FGF14: variants seen among roughly 807,000 people sequenced by gnomAD.
The protein encoded by FGF14 is fibroblast growth factor 14.
Under a neutral mutation model 25.5 loss-of-function variants are expected in FGF14, and 5 were observed. That is an observed-to-expected ratio of 0.20 (90% CI 0.10 to 0.41). The LOEUF (loss-of-function observed/expected upper bound fraction) is 0.41. Among genes scored for constraint, FGF14 ranks in the 10% least tolerant of loss-of-function variants. FGF14 has a pLI of 1.00. For synonymous variants in FGF14, 138 were observed against 118.3 expected (o/e 1.17, Z -1.08); for missense variants, 222 against 320.1 (o/e 0.69, Z 2.34).
chr13:102,071,194 T>C (rs1167021503), intron 1 of FGF14, among the ~76,000 whole-genome samples: 3 of 152,166 alleles, frequency 2.0e-5, no homozygotes, highest in Non-Finnish European at 4.4e-5. Context: ...AGCAAGTGTG[T>C]GCACATCGTG....
rs2040045460 is a variant in FGF14, at chr13:101,788,907, TATAGAGAGAGAGAGAG to T, written c.409-62113_409-62098del. ...ATATATATATATATATATATATATA[TATAGAGAGAGAGAGAG>T]AGAGAGAGAGAGAGAGAGAGAGAGA... On this transcript the variant is annotated intron_variant, in intron 3 of 4. Coordinates refer to ENST00000376143, the MANE Select transcript of FGF14 (RefSeq NM_004115.4). 3.7e-4 allele frequency among the ~76,000 whole-genome samples: 12 copies of T among 32,372 alleles called. No homozygotes were observed. The South Asian group carries it at 4.5e-3, about 12-fold the overall frequency. 21.2% of individuals were successfully genotyped at this position (32,372 alleles called of 152,430 possible).
rs1177856426 is a variant in FGF14, at chr13:101,718,920, C to CTATT, written c.*3907_*3910dup. 1 of 152,036 alleles carries CTATT rather than the reference C, an allele frequency of 6.6e-6. No individual in the cohort carries two copies. Among genetic ancestry groups the CTATT allele is most frequent in the Non-Finnish European group, 1.5e-5 (1 of 68,000 alleles). 9.4% of individuals were successfully genotyped at this position (152,036 alleles called of 1,614,324 possible). A position where few individuals can be genotyped will look rare whatever the true frequency, so the allele number is the denominator to read the frequency against. ...GGCTAAGAAACCTCAGCTATGACTA[C>CTATT]TATTTCACTCAAAGTAAGACCATGT... is the stretch of plus-strand genomic sequence containing the variant. On this transcript the variant is annotated 3_prime_UTR_variant, in exon 5 of 5. Transcript: ENST00000376143.
intron 3 of FGF14, among the ~76,000 whole-genome samples, chr13:101,841,117 T>C (rs183605099): frequency 2.0e-5 from 3 of 152,112 alleles, no homozygotes; most frequent in African/African-American, 7.2e-5. Flanking sequence ...AAATTAATAC[T>C]TCTTTCAATG....
At chr13:102,368,749 T>C (rs2057789167) in intron 1 of FGF14, among the ~76,000 whole-genome samples, 1 of 152,136 alleles carries the variant, frequency 6.6e-6, no homozygotes, top group Non-Finnish European at 1.5e-5. Flanking sequence ...AAAATGCAAT[T>C]CCCCTTCTTT....
intron 1 of FGF14, among the ~76,000 whole-genome samples, chr13:102,150,389 T>C (rs533935892): frequency 2.6e-4 from 39 of 152,174 alleles, no homozygotes; most frequent in Non-Finnish European, 3.7e-4. Flanking sequence ...GAGTTTAATA[T>C]AAAAGACTAA....
At chr13:102,050,676 A>C (rs530604501) in intron 1 of FGF14, among the ~76,000 whole-genome samples, 3 of 152,278 alleles carry the variant, frequency 2.0e-5, no homozygotes, top group East Asian at 1.9e-4. Context: ...CCTTCATCCC[A>C]CACACACAAA....
intron 1 of FGF14, among the ~76,000 whole-genome samples, chr13:101,939,802 A>G (rs937056279): frequency 2.0e-5 from 3 of 152,220 alleles, no homozygotes; most frequent in Non-Finnish European, 4.4e-5. Context: ...GAAAAAAGTT[A>G]AAGTCAAAAA....
chr13:101,865,416 G>A (rs1354989905), intron 3 of FGF14, among the ~76,000 whole-genome samples: 1 of 152,002 alleles, frequency 6.6e-6, no homozygotes, highest in Non-Finnish European at 1.5e-5. Context: ...TTTCTATTCT[G>A]CGTCCTTGTA....
intron 1 of FGF14, among the ~76,000 whole-genome samples, chr13:102,047,883 A>G (rs1404127549): frequency 6.6e-6 from 1 of 152,118 alleles, no homozygotes; most frequent in Non-Finnish European, 1.5e-5. Context: ...GGAAATTTAA[A>G]CCCACTTTTC....
chr13:102,153,669 G>A (rs2140516464), intron 1 of FGF14, among the ~76,000 whole-genome samples: 1 of 152,222 alleles, frequency 6.6e-6, no homozygotes, highest in South Asian at 2.1e-4. Context: ...GTAGTAGCAA[G>A]TGCATTATAT....
chr13:101,796,417 C>G (rs762597525), intron 3 of FGF14, among the ~76,000 whole-genome samples: 71 of 151,974 alleles, frequency 4.7e-4, no homozygotes, highest in African/African-American at 1.6e-3. Flanking sequence ...TGAGCATGCA[C>G]TGGGGGGTCC....
chr13:101,968,274 C>T (rs1442372898), intron 1 of FGF14, among the ~76,000 whole-genome samples: 1 of 152,016 alleles, frequency 6.6e-6, no homozygotes, highest in East Asian at 1.9e-4. Flanking sequence ...ATAAGCCTGA[C>T]AAAAAGTCTA....
intron 1 of FGF14, among the ~76,000 whole-genome samples, chr13:102,250,038 C>T (rs903600979): frequency 6.6e-6 from 1 of 152,140 alleles, no homozygotes. Flanking sequence ...TGTAAGAAGA[C>T]CACCCCCAGG....
intron 3 of FGF14, among the ~76,000 whole-genome samples, chr13:101,837,664 T>A (rs1484372722): frequency 6.6e-6 from 1 of 152,124 alleles, no homozygotes; most frequent in African/African-American, 2.4e-5. Context: ...GGGCCATGGC[T>A]AACAAACTCC....
At chr13:102,328,541 C>T (rs2056534472) in intron 1 of FGF14, among the ~76,000 whole-genome samples, 1 of 152,218 alleles carries the variant, frequency 6.6e-6, no homozygotes, top group Non-Finnish European at 1.5e-5. Flanking sequence ...ACTGTGAACT[C>T]CTCAAAGCAA....
chr13:101,870,915 T>C (rs1474785784), intron 2 of FGF14, among the ~76,000 whole-genome samples: 2 of 152,110 alleles, frequency 1.3e-5, no homozygotes, highest in Admixed American at 6.6e-5. Flanking sequence ...ATCACGCCAC[T>C]GCACTTTAGC....
intron 3 of FGF14, among the ~76,000 whole-genome samples, chr13:101,808,108 A>C (rs941270791): frequency 3.3e-5 from 5 of 152,160 alleles, no homozygotes; most frequent in Non-Finnish European, 5.9e-5. Context: ...TAGGAGGTAC[A>C]ATATATGTTT....
At chr13:102,369,025 C>T (rs2057797947) in intron 1 of FGF14, among the ~76,000 whole-genome samples, 1 of 152,162 alleles carries the variant, frequency 6.6e-6, no homozygotes, top group Non-Finnish European at 1.5e-5. Context: ...ATATTATAAC[C>T]TCTCAGTCAA....
chr13:102,210,013 T>C (rs575769856), intron 1 of FGF14, among the ~76,000 whole-genome samples: 1 of 152,092 alleles, frequency 6.6e-6, no homozygotes, highest in African/African-American at 2.4e-5. Flanking sequence ...CCCAGATGAA[T>C]AAACTAATTA....
Sources: gnomAD v4.1 joint callset for allele counts (sites outside exome capture counted in the v4.1 genomes callset) on GRCh38, gnomAD v4.1.1 for gene constraint, MANE v1.5 for transcripts, NCBI Gene and HGNC (gene_info 2026-07-23, HGNC 2026-07-21) for gene names.